Variants in NUP153 observed in about 807,000 individuals in gnomAD.
NUP153 encodes nuclear pore complex protein Nup153.
NUP153 carries 27 observed loss-of-function variants against 134.6 expected under a neutral mutation model. That is an observed-to-expected ratio of 0.20 (90% CI 0.15 to 0.28). The LOEUF (loss-of-function observed/expected upper bound fraction) is 0.28. Among genes scored for constraint, NUP153 ranks in the 10% least tolerant of loss-of-function variants. The pLI, the probability that NUP153 is intolerant of heterozygous loss-of-function variation, is 1.00. For synonymous variants in NUP153, 640 were observed against 623.5 expected, an observed-to-expected ratio of 1.03 and a Z score of -0.40; for missense variants, 1,821 against 1,731.3, an observed-to-expected ratio of 1.05 and a Z score of -0.92.
rs138887090 is a variant in NUP153 at position 17,624,769 on chromosome 6, G to A, written c.3966C>T (p.Asn1322=). The part of the protein sequence containing the change: ...APSASPAFGA[N]QTPTFGQSQG... ...GACTTTGTCCAAATGTTGGGGTCTG[G>A]TTAGCACCAAATGCTGGACTGGCAG... is the stretch of plus-strand genomic sequence containing the variant. Residue 1322 remains asparagine, a synonymous_variant, in exon 20 of 22, where the codon AAC becomes AAT. Transcript: ENST00000262077. 3.1e-6 allele frequency: 5 copies of A among 1,614,130 alleles called. No homozygotes were observed. The African/African-American group carries it at 5.3e-5, about 17-fold the overall frequency.
intron 20 of NUP153, chr6:17,619,601 T>A (rs1764539041): frequency 6.6e-6 from 1 of 152,178 alleles, no homozygotes; most frequent in Non-Finnish European, 1.5e-5. Flanking sequence ...TGCACAAGGA[T>A]GACACCCAAA....
At chr6:17,692,728 T>A (rs1241472894) in intron 1 of NUP153, among the ~76,000 whole-genome samples, 1 of 152,192 alleles carries the variant, frequency 6.6e-6, no homozygotes, top group East Asian at 1.9e-4. Flanking sequence ...AGCAGTATTA[T>A]CAGCATCATC....
chr6:17,616,762 T>C (rs2113755685), intron 20 of NUP153, 67 bp from the exon 21 acceptor site: 3 of 1,489,722 alleles, frequency 2.0e-6, no homozygotes, highest in Non-Finnish European at 1.8e-6. Context: ...TGTTTGTTTG[T>C]TTTTTGAGAC....
intron 1 of NUP153, among the ~76,000 whole-genome samples, chr6:17,698,810 T>A (rs1346921901): frequency 2.0e-5 from 3 of 147,688 alleles, no homozygotes; most frequent in South Asian, 2.1e-4. Context: ...GGGGCGGAGG[T>A]TGCAGTGAGC....
intron 1 of NUP153, among the ~76,000 whole-genome samples, chr6:17,695,018 T>TGAAC (rs1350300654): frequency 6.6e-6 from 1 of 151,452 alleles, no homozygotes; most frequent in East Asian, 1.9e-4. Context: ...TACTATGGAC[T>TGAAC]GAACGAACAA....
intron 1 of NUP153, among the ~76,000 whole-genome samples, chr6:17,697,970 C>T (rs1769772611): frequency 6.6e-6 from 1 of 152,184 alleles, no homozygotes; most frequent in Admixed American, 6.5e-5. Context: ...AAGCTCTTTT[C>T]TTCCTACTAG....
At position 17,680,794 on chromosome 6, in the gene NUP153, GA is replaced by G. The variant is rs1264885781; in HGVS notation, c.335-5025del. ...TAATGGATGCTGGTGAGGATGTAGAGAAAGGAGAATCCTTGTACACTGTTGT... is the reference window on the plus strand; with the variant it reads ...TAATGGATGCTGGTGAGGATGTAGAGAAGGAGAATCCTTGTACACTGTTGT... On this transcript the variant is annotated intron_variant, in intron 2 of 21. Transcript: ENST00000262077. This position sits in a 1 kb window ranked among gnomAD's most constrained non-coding sequence, Gnocchi z 4.5. Among the ~76,000 whole-genome samples, 18 of 152,220 alleles carry G rather than the reference GA, an allele frequency of 1.2e-4. No homozygotes were observed. Among genetic ancestry groups the G allele is most frequent in the African/African-American group, 4.3e-4 (18 of 41,450 alleles).
At chr6:17,694,286 T>C (rs531631803) in intron 1 of NUP153, among the ~76,000 whole-genome samples, 1 of 152,348 alleles carries the variant, frequency 6.6e-6, no homozygotes, top group East Asian at 1.9e-4. Context: ...GTATAGATTC[T>C]AAAATATTCA....
In NUP153 at chr6:17,616,032, C is replaced by T. The variant is rs1375860518; in HGVS notation, c.*65G>A. The stretch of plus-strand genomic sequence containing the variant: ...CTTCAGATAACCCCAGCACAAAGTA[C>T]AATCCAGTATCTGAAAGCAGGGCAC... On this transcript the variant is annotated 3_prime_UTR_variant, in exon 22 of 22. Coordinates refer to ENST00000262077, the MANE Select transcript of NUP153 (RefSeq NM_005124.4). 7 of 1,168,536 alleles carry T rather than the reference C, an allele frequency of 6.0e-6. No homozygotes were observed. The highest frequency in any genetic ancestry group is 7.7e-6 in the Non-Finnish European group (6 of 777,140). The allele number at this position is 1,168,536 out of a possible 1,614,324, so 72.4% of individuals were successfully genotyped here.
chr6:17,681,103 A>C (rs924355620), intron 2 of NUP153, among the ~76,000 whole-genome samples: 1 of 152,180 alleles, frequency 6.6e-6, no homozygotes, highest in Non-Finnish European at 1.5e-5. Context: ...AAAAAGAATT[A>C]AATCTTGTCA....
chr6:17,688,735 A>C (rs1413476232), intron 1 of NUP153, 117 bp from the exon 2 acceptor site: 1 of 706,128 alleles, frequency 1.4e-6, no homozygotes, highest in African/African-American at 1.8e-5. Context: ...AGTTTGCCAA[A>C]ATTCAGTTAC....
At chr6:17,689,153 A>G (rs1769126325) in intron 1 of NUP153, among the ~76,000 whole-genome samples, 1 of 152,128 alleles carries the variant, frequency 6.6e-6, no homozygotes, top group Non-Finnish European at 1.5e-5. Context: ...TGGGGGACTG[A>G]GGTGGGCAGA....
At chr6:17,694,821 A>T (rs1005411366) in intron 1 of NUP153, among the ~76,000 whole-genome samples, 77 of 151,042 alleles carry the variant, frequency 5.1e-4, no homozygotes, top group African/African-American at 1.5e-3. Flanking sequence ...TACTAAAAAT[A>T]AAAAAAAAGT....
At chr6:17,633,846 A>G (rs1765384605) in intron 16 of NUP153, among the ~76,000 whole-genome samples, 1 of 152,084 alleles carries the variant, frequency 6.6e-6, no homozygotes, top group Non-Finnish European at 1.5e-5. Context: ...CATCTTGCCA[A>G]CCAAATTGCT....
At chr6:17,665,680 T>G (rs1767491775) in intron 8 of NUP153, among the ~76,000 whole-genome samples, 1 of 152,062 alleles carries the variant, frequency 6.6e-6, no homozygotes, top group African/African-American at 2.4e-5. Flanking sequence ...AAAATGGAAC[T>G]ATATTCAAAA....
At chr6:17,665,174 A>G in intron 9 of NUP153, 65 bp downstream of exon 9, 2 of 1,218,294 alleles carry the variant, frequency 1.6e-6, no homozygotes, top group East Asian at 2.4e-5. Context: ...GTTATATTTT[A>G]CATTATTTAG....
chr6:17,660,833 TA>T (rs1374875007), intron 11 of NUP153, among the ~76,000 whole-genome samples: 3 of 152,080 alleles, frequency 2.0e-5, no homozygotes, highest in African/African-American at 7.2e-5. Flanking sequence ...CTAGAGAAAA[TA>T]CTGCACGTGT....
rs1290396162 is a variant in NUP153, at chr6:17,706,439, G to A, written c.-52C>T. The stretch of plus-strand genomic sequence containing the variant: ...CGGGGCGGGTAAGGGGGCGGGAGAG[G>A]CAGAGGCGGAGGCCTTAGAGAGCCT... On this transcript the variant is annotated 5_prime_UTR_variant, in exon 1 of 22. Coordinates refer to ENST00000262077, the MANE Select transcript of NUP153 (RefSeq NM_005124.4). This position sits in a 1 kb window ranked among gnomAD's most constrained non-coding sequence, Gnocchi z 5.9. 6.8e-7 allele frequency: 1 copy of A among 1,471,042 alleles called. No homozygotes were observed. The highest frequency in any genetic ancestry group is 9.4e-7 in the Non-Finnish European group (1 of 1,064,874). The allele number at this position is 1,471,042 out of a possible 1,614,324, so 91.1% of individuals were successfully genotyped here. A position where few individuals can be genotyped will look rare whatever the true frequency, so the allele number is the denominator to read the frequency against.
intron 20 of NUP153, among the ~76,000 whole-genome samples, chr6:17,622,237 C>T (rs1209568193): frequency 2.6e-5 from 4 of 152,080 alleles, no homozygotes; most frequent in Admixed American, 2.6e-4. Context: ...ACTGCTTGAG[C>T]TCGGGAGTTA....
Sources: allele counts gnomAD v4.1 joint callset (sites outside exome capture counted in the v4.1 genomes callset), GRCh38; gene constraint gnomAD v4.1.1; non-coding constraint Gnocchi (gnomAD v3.1); transcripts MANE v1.5; gene names NCBI Gene and HGNC (gene_info 2026-07-23, HGNC 2026-07-21).